NKAIN2: variants seen among roughly 807,000 people sequenced by gnomAD.
The protein encoded by NKAIN2 is sodium/potassium-transporting ATPase subunit beta-1-interacting protein 2.
Under a neutral mutation model 32.6 loss-of-function variants are expected in NKAIN2, and 14 were observed. The observed-to-expected ratio is 0.43, with a 90% CI of 0.28 to 0.67. The LOEUF (loss-of-function observed/expected upper bound fraction) is 0.67, where lower values mean the gene tolerates loss of function less well. NKAIN2 is among the 30% of genes least tolerant of loss of function. NKAIN2 has a pLI of 0.17. For missense variants in NKAIN2, 198 were observed against 258.3 expected (o/e 0.77, Z 1.60); for synonymous variants, 80 against 87.2 (o/e 0.92, Z 0.46).
intron 1 of NKAIN2, among the ~76,000 whole-genome samples, chr6:124,039,469 A>G (rs1781765057): frequency 6.6e-6 from 1 of 151,884 alleles, no homozygotes; most frequent in Non-Finnish European, 1.5e-5. Flanking sequence ...TTATTATTTT[A>G]CATCTTCATG....
rs544871070 is a variant in NKAIN2, at chr6:124,742,092, T to C, written c.475-49247T>C. Among the ~76,000 whole-genome samples the C allele has an allele frequency of 5.9e-5, 9 of 151,976 alleles. No homozygotes were observed. In the East Asian group the frequency reaches 1.4e-3, roughly 23 times the overall value. On this transcript the variant is annotated intron_variant, in intron 4 of 6. Coordinates refer to ENST00000368417, the MANE Select transcript of NKAIN2 (RefSeq NM_001040214.3). ...GCCACCCATAACATGCAGCAAACAA[T>C]AGCTTCTCTGAATCACATGTGCCTC...
chr6:124,727,985 A>G (rs540109416), intron 4 of NKAIN2, among the ~76,000 whole-genome samples: 1 of 151,138 alleles, frequency 6.6e-6, no homozygotes, highest in African/African-American at 2.4e-5. Flanking sequence ...TGGTAAAGGG[A>G]TCAATTCAAC....
intron 1 of NKAIN2, among the ~76,000 whole-genome samples, chr6:124,140,239 C>T (rs58834394): frequency 0.075 from 11,366 of 152,130 alleles, 1,046 homozygotes; most frequent in African/African-American, 0.21. Context: ...ATATAGTATC[C>T]TTATTATGGC....
At chr6:123,993,326 AATG>A (rs1327736755) in intron 1 of NKAIN2, among the ~76,000 whole-genome samples, 1 of 152,208 alleles carries the variant, frequency 6.6e-6, no homozygotes, top group Non-Finnish European at 1.5e-5. Flanking sequence ...AGGGAATCAA[AATG>A]ATATCAGCTT....
At chr6:124,735,659 C>T (rs1776898797) in intron 4 of NKAIN2, among the ~76,000 whole-genome samples, 1 of 151,786 alleles carries the variant, frequency 6.6e-6, no homozygotes, top group Admixed American at 6.6e-5. Context: ...GTCTCTGTGT[C>T]ACATTTGGGT....
chr6:124,688,673 C>T (rs558137889), intron 4 of NKAIN2, among the ~76,000 whole-genome samples: 2 of 152,142 alleles, frequency 1.3e-5, no homozygotes, highest in Admixed American at 6.6e-5. Flanking sequence ...ACTACTGTTC[C>T]TTTTACTGTC....
intron 1 of NKAIN2, 131 bp from the exon 2 acceptor site, chr6:124,282,874 A>T: frequency 1.3e-6 from 1 of 770,544 alleles, no homozygotes; most frequent in Non-Finnish European, 2.2e-6. Flanking sequence ...GCTGTTAGTT[A>T]AAGACAAATG....
intron 4 of NKAIN2, among the ~76,000 whole-genome samples, chr6:124,748,632 G>A (rs1057262333): frequency 3.3e-5 from 5 of 151,962 alleles, no homozygotes; most frequent in South Asian, 4.1e-4. Flanking sequence ...AAATAAACAC[G>A]GAGGAAGTTA....
At chr6:124,541,939 A>G (rs888174188) in intron 3 of NKAIN2, among the ~76,000 whole-genome samples, 3 of 152,174 alleles carry the variant, frequency 2.0e-5, no homozygotes, top group Non-Finnish European at 2.9e-5. Flanking sequence ...CATAATATAT[A>G]TGCCTATTTT....
intron 3 of NKAIN2, among the ~76,000 whole-genome samples, chr6:124,552,256 T>C (rs1055877495): frequency 6.6e-6 from 1 of 152,210 alleles, no homozygotes; most frequent in South Asian, 2.1e-4. Context: ...GATTTACATG[T>C]GCCTCTCAAC....
intron 4 of NKAIN2, among the ~76,000 whole-genome samples, chr6:124,725,077 C>A (rs572170242): frequency 6.6e-6 from 1 of 152,298 alleles, no homozygotes; most frequent in Non-Finnish European, 1.5e-5. Flanking sequence ...CCTTCTTCAA[C>A]TTTTGACTTA....
intron 1 of NKAIN2, among the ~76,000 whole-genome samples, chr6:124,104,192 C>T (rs17086591): frequency 0.011 from 1,619 of 152,248 alleles, 34 homozygotes; most frequent in African/African-American, 0.036. Context: ...CAATATGAAA[C>T]GGTGAAGAAA....
intron 3 of NKAIN2, among the ~76,000 whole-genome samples, chr6:124,620,917 A>C (rs1028167685): frequency 5.9e-5 from 9 of 152,226 alleles, no homozygotes; most frequent in Non-Finnish European, 7.3e-5. Context: ...AGTAAACTTC[A>C]AAATCTTGAC....
chr6:124,343,984 A>G (rs945061341), intron 2 of NKAIN2, among the ~76,000 whole-genome samples: 13 of 151,754 alleles, frequency 8.6e-5, no homozygotes, highest in African/African-American at 3.1e-4. Flanking sequence ...TTAAGTCTTT[A>G]ATCCATCTTA....
chr6:124,343,193 G>A (rs1798220940), intron 2 of NKAIN2, among the ~76,000 whole-genome samples: 2 of 152,080 alleles, frequency 1.3e-5, no homozygotes, highest in South Asian at 2.1e-4. Flanking sequence ...AGTATTCATG[G>A]TGTATATGTG....
At chr6:124,045,972 T>A (rs1782103033) in intron 1 of NKAIN2, among the ~76,000 whole-genome samples, 2 of 152,044 alleles carry the variant, frequency 1.3e-5, no homozygotes, top group Admixed American at 6.6e-5. Flanking sequence ...TTTGTGAGCC[T>A]CTGGCTTAGC....
At chr6:124,127,907 C>T (rs1473940802) in intron 1 of NKAIN2, among the ~76,000 whole-genome samples, 1 of 151,952 alleles carries the variant, frequency 6.6e-6, no homozygotes, top group Non-Finnish European at 1.5e-5. Context: ...GCTCACTGCA[C>T]CCTCCGTCTT....
chr6:124,708,659 G>A (rs1775243579), intron 4 of NKAIN2, among the ~76,000 whole-genome samples: 1 of 151,896 alleles, frequency 6.6e-6, no homozygotes, highest in Admixed American at 6.6e-5. Flanking sequence ...TGGTGTATAA[G>A]AATGCTTGTG....
intron 4 of NKAIN2, among the ~76,000 whole-genome samples, chr6:124,659,151 C>G (rs1489071862): frequency 6.6e-6 from 1 of 152,052 alleles, no homozygotes; most frequent in African/African-American, 2.4e-5. Context: ...GTTAAGGCAA[C>G]TTTATGACAC....
Sources: gnomAD v4.1 joint callset for allele counts (sites outside exome capture counted in the v4.1 genomes callset) on GRCh38, gnomAD v4.1.1 for gene constraint, MANE v1.5 for transcripts, NCBI Gene and HGNC (gene_info 2026-07-23, HGNC 2026-07-21) for gene names.